The following DNER variants were observed in gnomAD, a reference collection of about 807,000 sequenced individuals.
The protein encoded by DNER is delta and Notch-like epidermal growth factor-related receptor.
Under a neutral mutation model 78.2 loss-of-function variants are expected in DNER, and 33 were observed. That is an observed-to-expected ratio of 0.42 (90% CI 0.32 to 0.56). The LOEUF (loss-of-function observed/expected upper bound fraction) is 0.56, where lower values mean the gene tolerates loss of function less well. Ranked by LOEUF, DNER falls within the 20% of genes least tolerant of loss-of-function variation. DNER has a pLI of 0.11. For missense variants in DNER, 918 were observed against 975.3 expected (o/e 0.94, Z 0.78); for synonymous variants, 417 against 384.8 (o/e 1.08, Z -0.98).
At chr2:229,674,158 G>A (rs1441992958) in intron 1 of DNER, among the ~76,000 whole-genome samples, 1 of 152,222 alleles carries the variant, frequency 6.6e-6, no homozygotes, top group African/African-American at 2.4e-5. Flanking sequence ...AGGGTCCCTG[G>A]TTGGTTTCTC....
chr2:229,528,221 G>T (rs1242663007), intron 5 of DNER, among the ~76,000 whole-genome samples: 1 of 152,180 alleles, frequency 6.6e-6, no homozygotes, highest in Non-Finnish European at 1.5e-5. Flanking sequence ...GATGAGTGGT[G>T]GCAGAAACTT....
At chr2:229,636,566 C>G (rs1328807760) in intron 1 of DNER, among the ~76,000 whole-genome samples, 1 of 152,204 alleles carries the variant, frequency 6.6e-6, no homozygotes, top group Non-Finnish European at 1.5e-5. Flanking sequence ...AAAAGCGTAG[C>G]TCACTAACAA....
chr2:229,591,769 A>G lies in DNER; in HGVS notation c.396T>C (p.Cys132=). Residue 132 remains cysteine (C), a synonymous_variant, in exon 2 of 13, where the codon TGT becomes TGC. Transcript: ENST00000341772. The surrounding 1 kb of genome is among the most constrained non-coding windows in gnomAD (Gnocchi z 4.6). ...ICNEGYEGPN[C]EQALPSLPAT... ...CTGGGAGACTGGGAAGTGCCTGTTC[A>G]CAGTTGGGACCTTCATAGCCTTCAT... The G allele has an allele frequency of 6.2e-7, 1 of 1,614,182 alleles. No individual in the cohort carries two copies. Among genetic ancestry groups the G allele is most frequent in the Non-Finnish European group, 8.5e-7 (1 of 1,180,022 alleles).
At chr2:229,461,942 C>T (rs577526927) in intron 7 of DNER, among the ~76,000 whole-genome samples, 22 of 152,066 alleles carry the variant, frequency 1.4e-4, no homozygotes, top group Admixed American at 2.6e-4. Flanking sequence ...AGATTTCAAA[C>T]AACTGATTTT....
chr2:229,714,346 C>A lies in DNER; in HGVS notation c.78G>T (p.Ala26=), dbSNP rs1699960802. The part of the protein sequence containing the change: ...ALALLLLLLG[A]GPRGSSLANP... ...TGGCCAGGGAGCTGCCTCGGGGCCC[C>A]GCTCCGAGCAGCAGCAGCAGCAGGG... Residue 26 remains alanine (A), a synonymous_variant, in exon 1 of 13, where the codon GCG becomes GCT. Coordinates refer to ENST00000341772, the MANE Select transcript of DNER (RefSeq NM_139072.4). 1.6e-6 allele frequency: 2 copies of A among 1,246,126 alleles called. No homozygotes were observed. Among genetic ancestry groups the A allele is most frequent in the African/African-American group, 1.6e-5 (1 of 63,620 alleles). The allele number at this position is 1,246,126 out of a possible 1,614,324, so 77.2% of individuals were successfully genotyped here. A position where few individuals can be genotyped will look rare whatever the true frequency, so the allele number is the denominator to read the frequency against.
At chr2:229,618,695 C>T (rs1460524346) in intron 1 of DNER, among the ~76,000 whole-genome samples, 2 of 152,284 alleles carry the variant, frequency 1.3e-5, no homozygotes, top group East Asian at 1.9e-4. Flanking sequence ...AGACTAAAGT[C>T]AATAAAATTA....
chr2:229,364,841 T>C (rs1366323958), intron 12 of DNER, among the ~76,000 whole-genome samples: 3 of 137,718 alleles, frequency 2.2e-5, no homozygotes, highest in African/African-American at 8.4e-5. Flanking sequence ...TGTCTCTCTC[T>C]CTCTTTTTTT....
chr2:229,534,585 G>A (rs1696369994), intron 5 of DNER, among the ~76,000 whole-genome samples: 1 of 152,170 alleles, frequency 6.6e-6, no homozygotes, highest in Non-Finnish European at 1.5e-5. Context: ...AGTATCTATT[G>A]AGGCTGTATT....
intron 4 of DNER, among the ~76,000 whole-genome samples, chr2:229,559,965 C>T (rs1696924794): frequency 6.6e-6 from 1 of 152,154 alleles, no homozygotes; most frequent in African/African-American, 2.4e-5. Context: ...TCATTATGGC[C>T]CTTTTAAAAC....
chr2:229,696,417 T>C (rs1699663519), intron 1 of DNER, among the ~76,000 whole-genome samples: 1 of 152,208 alleles, frequency 6.6e-6, no homozygotes, highest in Non-Finnish European at 1.5e-5. Context: ...TCTCAAACCC[T>C]GTGCTGTTGC....
chr2:229,609,834 G>A (rs190621574), intron 1 of DNER, among the ~76,000 whole-genome samples: 26 of 152,266 alleles, frequency 1.7e-4, no homozygotes, highest in Middle Eastern at 3.4e-3. Context: ...CTAAATAATT[G>A]TGGAGCTCTC....
intron 1 of DNER, among the ~76,000 whole-genome samples, chr2:229,652,373 C>A (rs768756798): frequency 1.3e-5 from 2 of 152,214 alleles, no homozygotes; most frequent in Non-Finnish European, 2.9e-5. Flanking sequence ...ATGTGTAAGA[C>A]CAACTAACAC....
intron 4 of DNER, among the ~76,000 whole-genome samples, chr2:229,566,344 G>A (rs2154213897): frequency 6.6e-6 from 1 of 152,246 alleles, no homozygotes; most frequent in East Asian, 1.9e-4. Context: ...ATTTTCAAGT[G>A]TTCAATGAGA....
intron 1 of DNER, among the ~76,000 whole-genome samples, chr2:229,699,645 C>G (rs953709941): frequency 9.9e-5 from 15 of 152,178 alleles, no homozygotes; most frequent in African/African-American, 3.4e-4. Context: ...GGATTACAAG[C>G]ATGAGTCACC....
At chr2:229,696,881 G>C (rs745406076) in intron 1 of DNER, among the ~76,000 whole-genome samples, 2 of 152,156 alleles carry the variant, frequency 1.3e-5, no homozygotes, top group Non-Finnish European at 2.9e-5. Context: ...CCATCCAGGG[G>C]GGATCCTGGG....
At chr2:229,580,933 C>G (rs569937794) in intron 4 of DNER, among the ~76,000 whole-genome samples, 5 of 152,106 alleles carry the variant, frequency 3.3e-5, no homozygotes, top group South Asian at 2.1e-4. Context: ...TTCAGTGAGG[C>G]CTTAGAAATG....
intron 5 of DNER, among the ~76,000 whole-genome samples, chr2:229,520,787 C>A (rs763077443): frequency 6.6e-6 from 1 of 152,192 alleles, no homozygotes; most frequent in African/African-American, 2.4e-5. Context: ...GACTGAGTCC[C>A]CACATATGAA....
chr2:229,593,913 A>G (rs1697656445), intron 1 of DNER, among the ~76,000 whole-genome samples: 1 of 152,246 alleles, frequency 6.6e-6, no homozygotes, highest in Non-Finnish European at 1.5e-5. Flanking sequence ...ACAAGGGATC[A>G]ATACAAAAAT....
At chr2:229,661,847 C>A (rs946544428) in intron 1 of DNER, among the ~76,000 whole-genome samples, 3 of 152,158 alleles carry the variant, frequency 2.0e-5, no homozygotes, top group African/African-American at 7.2e-5. Context: ...TTTGCCACTT[C>A]ATGGTTTACT....
Sources: allele counts gnomAD v4.1 joint callset (sites outside exome capture counted in the v4.1 genomes callset), GRCh38; gene constraint gnomAD v4.1.1; non-coding constraint Gnocchi (gnomAD v3.1); transcripts MANE v1.5; gene names NCBI Gene and HGNC (gene_info 2026-07-23, HGNC 2026-07-21).